The following LHFPL3 variants were observed in gnomAD, a reference collection of about 807,000 sequenced individuals.
LHFPL3 encodes LHFPL tetraspan subfamily member 3.
A neutral mutation model predicts 19.3 loss-of-function variants in LHFPL3; 5 were observed. The observed-to-expected ratio is 0.26, with a 90% confidence interval of 0.14 to 0.54. LHFPL3 has a LOEUF of 0.54. Among genes scored for constraint, LHFPL3 ranks in the 20% least tolerant of loss-of-function variants. LHFPL3 has a pLI of 0.94. For synonymous variants in LHFPL3, 133 were observed against 126.2 expected, an observed-to-expected ratio of 1.05 and a Z score of -0.36; for missense variants, 249 against 307.4, an observed-to-expected ratio of 0.81 and a Z score of 1.42.
chr7:104,687,813 C>T (rs1435635826), intron 1 of LHFPL3, among the ~76,000 whole-genome samples: 1 of 152,118 alleles, frequency 6.6e-6, no homozygotes, highest in East Asian at 1.9e-4. Flanking sequence ...GGTAAACCTC[C>T]AGAGAAAAGG....
chr7:104,645,745 C>A (rs920594382), intron 1 of LHFPL3, among the ~76,000 whole-genome samples: 4 of 144,098 alleles, frequency 2.8e-5, no homozygotes, highest in Admixed American at 1.5e-4. Context: ...ACTGCAAGCT[C>A]CGCCTCCCGG....
At chr7:104,546,896 G>A (rs1057129555) in intron 1 of LHFPL3, among the ~76,000 whole-genome samples, 10 of 152,200 alleles carry the variant, frequency 6.6e-5, no homozygotes, top group Non-Finnish European at 1.5e-4. Flanking sequence ...TGGGATTTAG[G>A]AGAAAATGTA....
intron 2 of LHFPL3, among the ~76,000 whole-genome samples, chr7:104,860,947 A>G (rs1791608024): frequency 6.6e-6 from 1 of 152,228 alleles, no homozygotes; most frequent in African/African-American, 2.4e-5. Flanking sequence ...TTTTATCAAT[A>G]CAACTACCAG....
chr7:104,646,047 G>A (rs549333246), intron 1 of LHFPL3, among the ~76,000 whole-genome samples: 1 of 152,236 alleles, frequency 6.6e-6, no homozygotes, highest in Admixed American at 6.5e-5. Context: ...GAGACATGAG[G>A]CTTCACCCTC....
At chr7:104,376,396 T>A (rs1176995123) in intron 1 of LHFPL3, among the ~76,000 whole-genome samples, 1 of 152,212 alleles carries the variant, frequency 6.6e-6, no homozygotes, top group African/African-American at 2.4e-5. Context: ...TTATATAGGA[T>A]GTTTCAGTGT....
At chr7:104,672,252 G>T (rs1792499475) in intron 1 of LHFPL3, among the ~76,000 whole-genome samples, 1 of 152,116 alleles carries the variant, frequency 6.6e-6, no homozygotes, top group Non-Finnish European at 1.5e-5. Flanking sequence ...ACTGAGATGT[G>T]AAATATTTTT....
At chr7:104,601,567 CT>C (rs1790968424) in intron 1 of LHFPL3, among the ~76,000 whole-genome samples, 1 of 152,118 alleles carries the variant, frequency 6.6e-6, no homozygotes, top group African/African-American at 2.4e-5. Context: ...TCAGGGAAGC[CT>C]TCTCTGATGA....
At position 104,328,682 on chromosome 7, in the gene LHFPL3, T is replaced by C; in HGVS notation, c.-98T>C. The C allele has an allele frequency of 9.4e-7, 1 of 1,063,460 alleles. No individual in the cohort carries two copies. The highest frequency in any genetic ancestry group is 2.6e-5 in the East Asian group (1 of 38,540). 65.9% of individuals were successfully genotyped at this position (1,063,460 alleles called of 1,614,324 possible). A position where few individuals can be genotyped will look rare whatever the true frequency, so the allele number is the denominator to read the frequency against. On this transcript the variant is annotated 5_prime_UTR_variant, in exon 1 of 3. Transcript: ENST00000424859. This position sits in a 1 kb window ranked among gnomAD's most constrained non-coding sequence, Gnocchi z 4.6. ...TGGGCTGAGGCGGAGGCAGGGGAGT[T>C]GCAGCGCGCGAGGCTCCGTGAGTGT...
At chr7:104,798,469 A>G (rs1046444464) in intron 2 of LHFPL3, 42 of 152,200 alleles carry the variant, frequency 2.8e-4, no homozygotes, top group African/African-American at 9.9e-4. Context: ...TTAGTTTTTG[A>G]AATAGTTTTG....
intron 1 of LHFPL3, among the ~76,000 whole-genome samples, chr7:104,600,323 T>C (rs958522016): frequency 1.3e-5 from 2 of 152,244 alleles, no homozygotes; most frequent in Non-Finnish European, 1.5e-5. Flanking sequence ...GATACGGAGC[T>C]CTGCTCTGTG....
intron 1 of LHFPL3, among the ~76,000 whole-genome samples, chr7:104,610,919 T>A (rs113348995): frequency 1.3e-5 from 2 of 152,262 alleles, no homozygotes; most frequent in African/African-American, 4.8e-5. Context: ...TCAGTTTGAA[T>A]TCCCAGTTTC....
Position 104,906,303 on chromosome 7 carries a change from G to A in LHFPL3, c.*88G>A. 7.0e-7 allele frequency: 1 copy of A among 1,418,780 alleles called. No individual in the cohort carries two copies. Among genetic ancestry groups the A allele is most frequent in the Non-Finnish European group, 9.8e-7 (1 of 1,024,510 alleles). 87.9% of individuals were successfully genotyped at this position (1,418,780 alleles called of 1,614,324 possible). A position where few individuals can be genotyped will look rare whatever the true frequency, so the allele number is the denominator to read the frequency against. Reference sequence around the variant, plus strand: ...GCTTTTGTACATCAACATCAAGAAGGAATACGCCTGAGAGAGATCAGAGTA... The same window carrying A: ...GCTTTTGTACATCAACATCAAGAAGAAATACGCCTGAGAGAGATCAGAGTA... On this transcript the variant is annotated 3_prime_UTR_variant, in exon 3 of 3. Coordinates refer to ENST00000424859, the MANE Select transcript of LHFPL3 (RefSeq NM_199000.3).
intron 1 of LHFPL3, among the ~76,000 whole-genome samples, chr7:104,577,179 A>T (rs1479591456): frequency 2.6e-5 from 4 of 152,180 alleles, no homozygotes; most frequent in Admixed American, 6.6e-5. Context: ...AGATATAAAG[A>T]CTTGGTTCTT....
rs1331971803 is a variant in LHFPL3, at chr7:104,349,947, G to A, written c.445+20723G>A. Among the ~76,000 whole-genome samples, 7 of 152,220 alleles carry A rather than the reference G, an allele frequency of 4.6e-5. No individual in the cohort carries two copies. In the East Asian group the frequency reaches 5.8e-4, roughly 13 times the overall value. On this transcript the variant is annotated intron_variant, in intron 1 of 2. Transcript: ENST00000424859. ...TGCGAAGCTAGTTCCTTTTGCCCAC[G>A]ATAGTGCCATTTGCTGAGAGCTTTC...
intron 2 of LHFPL3, among the ~76,000 whole-genome samples, chr7:104,748,630 C>T (rs1794095776): frequency 2.0e-5 from 3 of 151,156 alleles, no homozygotes; most frequent in South Asian, 4.3e-4. Flanking sequence ...CCTTTGTTCA[C>T]GTGTTTGTCT....
intron 1 of LHFPL3, among the ~76,000 whole-genome samples, chr7:104,430,289 G>T (rs1201235080): frequency 6.9e-6 from 1 of 145,514 alleles, no homozygotes; most frequent in African/African-American, 2.5e-5. Flanking sequence ...TTAAGGCAAG[G>T]CACCTCTTTC....
chr7:104,665,388 A>G (rs1172593354), intron 1 of LHFPL3, among the ~76,000 whole-genome samples: 1 of 152,244 alleles, frequency 6.6e-6, no homozygotes, highest in Non-Finnish European at 1.5e-5. Context: ...AATATGGTTT[A>G]GAGATTTAAA....
Position 104,603,162 on chromosome 7 carries a change from C to CCTTT in LHFPL3, c.446-133493_446-133490dup, listed in dbSNP as rs145743691. ...CCCTTCCTTCCTTCCTTCCTTCCTT[C>CCTTT]CTTTCTTTCTTTCTTTCTTTCTTCC... On this transcript the variant is annotated intron_variant, in intron 1 of 2. Coordinates refer to ENST00000424859, the MANE Select transcript of LHFPL3 (RefSeq NM_199000.3). Among the ~76,000 whole-genome samples, 14 of 128,614 alleles carry CCTTT rather than the reference C, an allele frequency of 1.1e-4. No individual in the cohort carries two copies. In the East Asian group the frequency reaches 1.5e-3, roughly 14 times the overall value. 84.4% of individuals were successfully genotyped at this position (128,614 alleles called of 152,430 possible).
intron 1 of LHFPL3, among the ~76,000 whole-genome samples, chr7:104,375,109 C>T (rs773640306): frequency 7.2e-5 from 11 of 152,270 alleles, no homozygotes; most frequent in South Asian, 2.1e-4. Flanking sequence ...GAGGCCAAGG[C>T]GGGCGGATCA....
Sources: allele counts gnomAD v4.1 joint callset (sites outside exome capture counted in the v4.1 genomes callset), GRCh38; gene constraint gnomAD v4.1.1; non-coding constraint Gnocchi (gnomAD v3.1); transcripts MANE v1.5; gene names NCBI Gene and HGNC (gene_info 2026-07-23, HGNC 2026-07-21).